RANBP2: variants seen among roughly 807,000 people sequenced by gnomAD.
The protein encoded by RANBP2 is E3 SUMO-protein ligase RanBP2.
In RANBP2, 57 loss-of-function variants were observed where a neutral mutation model predicts 303.6. That is an observed-to-expected ratio of 0.19 (90% CI 0.15 to 0.23). The LOEUF is 0.23. Among genes scored for constraint, RANBP2 ranks in the 10% least tolerant of loss-of-function variants. RANBP2 has a pLI of 1.00. For missense variants in RANBP2, 3,138 were observed against 3,780.8 expected (o/e 0.83, Z 4.46); for synonymous variants, 1,167 against 1,301.5 (o/e 0.90, Z 2.23).
At chr2:109,602,589 C>T in the RANBP2 span, among the ~76,000 whole-genome samples, 1 of 151,206 alleles carries the variant, frequency 6.6e-6, no homozygotes. Flanking sequence ...GCAGGAGAAT[C>T]GCTTGAACCT....
At chr2:108,842,363 G>A in the RANBP2 span, among the ~76,000 whole-genome samples, 1 of 152,012 alleles carries the variant, frequency 6.6e-6, no homozygotes. Flanking sequence ...ATTACTTTTA[G>A]GTCCTGGGAG....
the RANBP2 span, among the ~76,000 whole-genome samples, chr2:109,031,763 G>A: frequency 2.6e-5 from 4 of 152,266 alleles, no homozygotes; most frequent in Admixed American, 2.0e-4. Context: ...GCCTACCTCC[G>A]GGCCACAGGC....
chr2:109,363,429 T>G, the RANBP2 span, among the ~76,000 whole-genome samples: 1 of 152,224 alleles, frequency 6.6e-6, no homozygotes, highest in Non-Finnish European at 1.5e-5. Context: ...TGTAAGTGTA[T>G]GTAAACACAC....
chr2:108,913,350 T>C, the RANBP2 span, among the ~76,000 whole-genome samples: 6 of 152,196 alleles, frequency 3.9e-5, no homozygotes, highest in South Asian at 2.1e-4. Flanking sequence ...AATTTTCCTA[T>C]GCGTGGAGAC....
chr2:109,143,397 A>G, the RANBP2 span, among the ~76,000 whole-genome samples: 1 of 152,160 alleles, frequency 6.6e-6, no homozygotes, highest in South Asian at 2.1e-4. Flanking sequence ...CATTATTCAC[A>G]GGGCCAATAT....
chr2:109,296,534 G>A, the RANBP2 span, among the ~76,000 whole-genome samples: 9 of 152,262 alleles, frequency 5.9e-5, no homozygotes, highest in South Asian at 1.7e-3. Context: ...GAGCCTCTGT[G>A]CCCAGCCTTC....
the RANBP2 span, among the ~76,000 whole-genome samples, chr2:109,109,730 T>G: frequency 6.6e-6 from 1 of 152,326 alleles, no homozygotes; most frequent in East Asian, 1.9e-4. Context: ...ACCAATAGAT[T>G]AGAGATTCAA....
chr2:109,613,153 T>C, the RANBP2 span: 4 of 1,288,094 alleles, frequency 3.1e-6, no homozygotes, highest in South Asian at 2.5e-5. Context: ...ACCTTGGTAC[T>C]ATTAACGAAA....
At chr2:108,762,879 T>C (rs1433339602) in intron 19 of RANBP2, among the ~76,000 whole-genome samples, 2 of 152,278 alleles carry the variant, frequency 1.3e-5, no homozygotes, top group South Asian at 2.1e-4. Flanking sequence ...TTTATGACTT[T>C]AGCTGTAGAT....
At chr2:109,540,587 G>C in the RANBP2 span, among the ~76,000 whole-genome samples, 12 of 151,846 alleles carry the variant, frequency 7.9e-5, no homozygotes, top group Non-Finnish European at 1.8e-4. Context: ...CACTTTGGGA[G>C]GCTGAGGTGG....
the RANBP2 span, among the ~76,000 whole-genome samples, chr2:109,527,340 T>C: frequency 0.047 from 7,124 of 152,274 alleles, 561 homozygotes; most frequent in African/African-American, 0.16. Flanking sequence ...GAACATGGTA[T>C]GTTAGGACAA....
At chr2:109,667,017 C>A in the RANBP2 span, 1 of 471,526 alleles carries the variant, frequency 2.1e-6, no homozygotes, top group Non-Finnish European at 3.8e-6. Flanking sequence ...AGTCAGCTGA[C>A]TCTAGTGTTA....
At chr2:108,997,863 C>A in the RANBP2 span, among the ~76,000 whole-genome samples, 1 of 152,202 alleles carries the variant, frequency 6.6e-6, no homozygotes, top group Admixed American at 6.5e-5. Flanking sequence ...TGCACTCCAG[C>A]CTGGGCCACA....
At chr2:108,781,473 A>C (rs1289806796) in intron 26 of RANBP2, 44 bp downstream of exon 26, 1 of 1,595,914 alleles carries the variant, frequency 6.3e-7, no homozygotes, top group East Asian at 2.2e-5. Flanking sequence ...CTTATTTTTC[A>C]TTTTTAAGTT....
the RANBP2 span, among the ~76,000 whole-genome samples, chr2:109,778,302 C>T: frequency 7.3e-6 from 1 of 137,294 alleles, no homozygotes; most frequent in East Asian, 2.3e-4. Context: ...TTGTAAAATG[C>T]AGATAATGTG....
chr2:109,095,963 T>C, the RANBP2 span, among the ~76,000 whole-genome samples: 3 of 152,214 alleles, frequency 2.0e-5, no homozygotes, highest in South Asian at 6.2e-4. Flanking sequence ...CAGACTTTGT[T>C]GGCTTCATGC....
chr2:109,592,047 A>T, the RANBP2 span, among the ~76,000 whole-genome samples: 6 of 152,292 alleles, frequency 3.9e-5, 1 homozygote, highest in African/African-American at 1.4e-4. Context: ...CTCCCCACAG[A>T]CCCTTAGAAG....
the RANBP2 span, among the ~76,000 whole-genome samples, chr2:109,573,690 C>T: frequency 2.0e-5 from 3 of 152,132 alleles, no homozygotes; most frequent in Non-Finnish European, 2.9e-5. Context: ...AGCTTCATTT[C>T]GCATACCATT....
chr2:109,634,458 A>G, the RANBP2 span, among the ~76,000 whole-genome samples: 23 of 152,248 alleles, frequency 1.5e-4, no homozygotes, highest in African/African-American at 5.1e-4. Context: ...TGAGAGCTTC[A>G]GAGCATGCAC....
Sources: gnomAD v4.1 joint callset for allele counts (sites outside exome capture counted in the v4.1 genomes callset) on GRCh38, gnomAD v4.1.1 for gene constraint, MANE v1.5 for transcripts, NCBI Gene and HGNC (gene_info 2026-07-23, HGNC 2026-07-21) for gene names.